MALT1: variants seen among roughly 807,000 people sequenced by gnomAD.
MALT1 encodes mucosa-associated lymphoid tissue lymphoma translocation protein 1.
Under a neutral mutation model 85.5 loss-of-function variants are expected in MALT1, and 36 were observed. The observed-to-expected ratio is 0.42, with a 90% CI of 0.32 to 0.56. MALT1 has a LOEUF of 0.56. Ranked by LOEUF, MALT1 falls within the 20% of genes least tolerant of loss-of-function variation. The pLI, the probability that MALT1 is intolerant of heterozygous loss-of-function variation, is 0.10. For synonymous variants in MALT1, 359 were observed against 361.3 expected (o/e 0.99, Z 0.07); for missense variants, 716 against 981.6 (o/e 0.73, Z 3.62).
intron 13 of MALT1, among the ~76,000 whole-genome samples, chr18:58,739,808 T>TAC (rs36038136): frequency 0.24 from 35,531 of 150,886 alleles, 4,621 homozygotes; most frequent in South Asian, 0.32. Context: ...TGTACACACA[T>TAC]ACACACACAC....
At chr18:58,684,994 C>A (rs2054380157) in intron 2 of MALT1, among the ~76,000 whole-genome samples, 1 of 152,038 alleles carries the variant, frequency 6.6e-6, no homozygotes, top group African/African-American at 2.4e-5. Flanking sequence ...ACAATCGTTT[C>A]CACCTGCTGA....
At chr18:58,733,325 G>GTT (rs1315445383) in intron 10 of MALT1, 72 bp from the exon 11 acceptor site, 10 of 979,862 alleles carry the variant, frequency 1.0e-5, no homozygotes, top group Non-Finnish European at 1.2e-5. Context: ...TCTACAAAAA[G>GTT]TTATGCAGTC....
intron 4 of MALT1, among the ~76,000 whole-genome samples, chr18:58,701,484 TG>T (rs1327717993): frequency 3.9e-5 from 6 of 152,228 alleles, no homozygotes; most frequent in Admixed American, 3.9e-4. Flanking sequence ...TGAAATTATT[TG>T]TTTGCTAGCT....
chr18:58,671,770 G>T lies in MALT1; in HGVS notation c.127G>T (p.Glu43Ter). ...LREPLLRRLS[E>*]LLDQAPEGRG... ...GGAGCCGCTGCTGCGGAGGCTCAGC[G>T]AGCTCCTGGATCAGGCGCCCGAGGG... Residue 43 changes from glutamate (E) to a stop codon, truncating the protein, a stop_gained, in exon 1 of 17, where the codon GAG becomes TAG. Coordinates refer to ENST00000649217, the MANE Select transcript of MALT1 (RefSeq NM_006785.4). LOFTEE classifies it high-confidence loss of function. 7.9e-7 allele frequency: 1 copy of T among 1,262,936 alleles called. No individual in the cohort carries two copies. The highest frequency in any genetic ancestry group is 2.8e-5 in the South Asian group (1 of 35,662). The allele number at this position is 1,262,936 out of a possible 1,614,324, so 78.2% of individuals were successfully genotyped here.
rs760010868 is a variant in MALT1, at chr18:58,723,033, C to CTT, written c.1019-7_1019-6dup. 1.3e-6 allele frequency: 2 copies of CTT among 1,574,012 alleles called. No individual in the cohort carries two copies. Among genetic ancestry groups the CTT allele is most frequent in the Non-Finnish European group, 1.7e-6 (2 of 1,148,462 alleles). On this transcript the variant is annotated splice_polypyrimidine_tract_variant and intron_variant, in intron 9 of 16. Coordinates refer to ENST00000649217, the MANE Select transcript of MALT1 (RefSeq NM_006785.4). ...TATATCTTCTTTAAACACCCCCTTTCTTTTTTTTTCAAAGCGAAGGACAAG... is the reference window on the plus strand; with the variant it reads ...TATATCTTCTTTAAACACCCCCTTTCTTTTTTTTTTTCAAAGCGAAGGACAAG...
chr18:58,747,872 T>C lies in MALT1; in HGVS notation c.*30T>C. The C allele has an allele frequency of 6.4e-7, 1 of 1,568,852 alleles. No homozygotes were observed. The highest frequency in any genetic ancestry group is 1.1e-5 in the South Asian group (1 of 87,306). ...CTTGTTTTTGAAAGTTAGCATAATTTTAGATGCCTGTGAAATAGTACTGCA... is the reference window on the plus strand; with the variant it reads ...CTTGTTTTTGAAAGTTAGCATAATTCTAGATGCCTGTGAAATAGTACTGCA... On this transcript the variant is annotated 3_prime_UTR_variant, in exon 17 of 17. Coordinates refer to ENST00000649217, the MANE Select transcript of MALT1 (RefSeq NM_006785.4).
intron 2 of MALT1, among the ~76,000 whole-genome samples, chr18:58,684,138 G>T (rs1010443615): frequency 6.6e-6 from 1 of 152,088 alleles, no homozygotes; most frequent in Non-Finnish European, 1.5e-5. Flanking sequence ...TTGCCATGTT[G>T]CCCAGGCTGG....
At chr18:58,702,196 AACCCTATCTCT>A (rs2054681688) in intron 4 of MALT1, among the ~76,000 whole-genome samples, 1 of 139,820 alleles carries the variant, frequency 7.2e-6, no homozygotes, top group Non-Finnish European at 1.5e-5. Flanking sequence ...AACATGGCAA[AACCCTATCTCT>A]ACAAAAAAAA....
intron 4 of MALT1, among the ~76,000 whole-genome samples, chr18:58,708,727 C>A (rs2054791656): frequency 6.6e-6 from 1 of 152,164 alleles, no homozygotes; most frequent in African/African-American, 2.4e-5. Flanking sequence ...AATAATATAT[C>A]TATAAGTGGA....
rs2055413075 is a variant in MALT1, at chr18:58,749,134, GT to G, written c.*1293del. 1 of 217,936 alleles carries G rather than the reference GT, an allele frequency of 4.6e-6. No individual in the cohort carries two copies. Among genetic ancestry groups the G allele is most frequent in the Admixed American group, 5.8e-5 (1 of 17,228 alleles). The allele number at this position is 217,936 out of a possible 1,614,324, so 13.5% of individuals were successfully genotyped here. ...TAAAAATCAAATAAGCTAATATACAGTCAGTTCTCATTATTCACAGTAATTA... is the reference window on the plus strand; with the variant it reads ...TAAAAATCAAATAAGCTAATATACAGCAGTTCTCATTATTCACAGTAATTA... On this transcript the variant is annotated 3_prime_UTR_variant, in exon 17 of 17. Transcript: ENST00000649217.
chr18:58,700,691 T>A, intron 4 of MALT1, 100 bp downstream of exon 4: 2 of 1,097,204 alleles, frequency 1.8e-6, no homozygotes, highest in Non-Finnish European at 2.4e-6. Context: ...TCAAAAAACA[T>A]AGCAAAATTT....
At chr18:58,734,243 C>T in intron 11 of MALT1, 64 bp from the exon 12 acceptor site, 2 of 1,222,492 alleles carry the variant, frequency 1.6e-6, no homozygotes, top group Non-Finnish European at 2.4e-6. Context: ...TTATTTATAC[C>T]CTTTTAAGAA....
chr18:58,730,530 T>A (rs1421479452), intron 10 of MALT1, among the ~76,000 whole-genome samples: 2 of 148,804 alleles, frequency 1.3e-5, no homozygotes, highest in Non-Finnish European at 2.9e-5. Context: ...GATTATATTT[T>A]GTTTATCCAT....
At chr18:58,740,219 A>T (rs1384524002) in intron 13 of MALT1, among the ~76,000 whole-genome samples, 1 of 152,132 alleles carries the variant, frequency 6.6e-6, no homozygotes, top group African/African-American at 2.4e-5. Flanking sequence ...ACTTGTACTT[A>T]CTTTCCTTTT....
At position 58,747,406 on chromosome 18, in the gene MALT1, A is replaced by AACATCTAGTCTTCACAGTATGTTTATCAT; in HGVS notation, c.2041_2069dup (p.Gln691IlefsTer2). The AACATCTAGTCTTCACAGTATGTTTATCAT allele has an allele frequency of 6.3e-7, 1 of 1,594,180 alleles. No individual in the cohort carries two copies. Among genetic ancestry groups the AACATCTAGTCTTCACAGTATGTTTATCAT allele is most frequent in the Non-Finnish European group, 8.6e-7 (1 of 1,168,774 alleles). On this transcript the variant is annotated frameshift_variant and splice_region_variant, in exon 17 of 17. Coordinates refer to ENST00000649217, the MANE Select transcript of MALT1 (RefSeq NM_006785.4). LOFTEE classifies it low-confidence loss of function (END_TRUNC). Reference sequence around the variant, plus strand: ...AAACCAGATTTTTTTCCTTTTCAGGAACATCTAGTCTTCACAGTATGTTTA... The same window carrying AACATCTAGTCTTCACAGTATGTTTATCAT: ...AAACCAGATTTTTTTCCTTTTCAGGAACATCTAGTCTTCACAGTATGTTTATCATACATCTAGTCTTCACAGTATGTTTA...
In MALT1 at chr18:58,748,182, A is replaced by C. The variant is rs137913415; in HGVS notation, c.*340A>C. The C allele has an allele frequency of 4.2e-4, 114 of 272,522 alleles. 1 individual carries two copies. Among genetic ancestry groups the C allele is most frequent in the Non-Finnish European group, 7.5e-4 (107 of 142,594 alleles). The allele number at this position is 272,522 out of a possible 1,614,324, so 16.9% of individuals were successfully genotyped here. On this transcript the variant is annotated 3_prime_UTR_variant, in exon 17 of 17. Transcript: ENST00000649217. Reference sequence around the variant, plus strand: ...TTGTAGAATAAGTCATTGTATTTTTAACACCAGAAAGAACCTTGCCGATCA... The same window carrying C: ...TTGTAGAATAAGTCATTGTATTTTTCACACCAGAAAGAACCTTGCCGATCA...
chr18:58,734,004 T>C, intron 11 of MALT1: 2 of 1,188,790 alleles, frequency 1.7e-6, no homozygotes, highest in Non-Finnish European at 2.1e-6. Context: ...TTGTCTGCCA[T>C]TGCCTTTCTA....
intron 2 of MALT1, among the ~76,000 whole-genome samples, chr18:58,687,291 G>A (rs528408868): frequency 6.6e-6 from 1 of 152,336 alleles, no homozygotes; most frequent in Non-Finnish European, 1.5e-5. Context: ...AGGCCTGAAG[G>A]AATGTCTTTC....
chr18:58,691,140 T>C, intron 2 of MALT1: 1 of 245,318 alleles, frequency 4.1e-6, no homozygotes, highest in South Asian at 3.9e-5. Context: ...AGGTTGAAGC[T>C]ACTAAAAATC....
Sources: allele counts gnomAD v4.1 joint callset (sites outside exome capture counted in the v4.1 genomes callset), GRCh38; gene constraint gnomAD v4.1.1; transcripts MANE v1.5; gene names NCBI Gene and HGNC (gene_info 2026-07-23, HGNC 2026-07-21).